Variants in ADGRL3 observed in about 807,000 individuals in gnomAD.
ADGRL3 encodes calcium-independent alpha-latrotoxin receptor 3.
In ADGRL3, 62 loss-of-function variants were observed where a neutral mutation model predicts 153.5. The ratio of observed to expected loss-of-function variants is 0.40; its 90% confidence interval spans 0.33 to 0.50. The LOEUF is 0.50. ADGRL3 is among the 20% of genes least tolerant of loss of function. ADGRL3 has a pLI of 0.47. For missense variants in ADGRL3, 1,641 were observed against 1,859.4 expected, an observed-to-expected ratio of 0.88 and a Z score of 2.16; for synonymous variants, 710 against 672.5, an observed-to-expected ratio of 1.06 and a Z score of -0.86.
intron 9 of ADGRL3, among the ~76,000 whole-genome samples, chr4:61,819,818 G>A (rs1018598533): frequency 1.3e-5 from 2 of 151,992 alleles, no homozygotes; most frequent in African/African-American, 2.4e-5. Context: ...TTTTATAATA[G>A]TGATTGTGCT....
intron 4 of ADGRL3, among the ~76,000 whole-genome samples, chr4:61,554,064 A>T (rs10015095): frequency 0.2 from 29,998 of 151,122 alleles, 3,343 homozygotes; most frequent in Non-Finnish European, 0.25. Context: ...CTCAAAGTCA[A>T]AGCTACAGAT....
intron 4 of ADGRL3, among the ~76,000 whole-genome samples, chr4:61,555,072 C>T (rs2098759103): frequency 6.6e-6 from 1 of 151,996 alleles, no homozygotes; most frequent in African/African-American, 2.4e-5. Flanking sequence ...ACACCTTTAC[C>T]CATGTAAATT....
chr4:61,948,651 A>G (rs1488897622), intron 17 of ADGRL3, among the ~76,000 whole-genome samples: 2 of 152,154 alleles, frequency 1.3e-5, no homozygotes, highest in Admixed American at 1.3e-4. Flanking sequence ...AGAGCTATGC[A>G]TAGGTTAAAT....
intron 9 of ADGRL3, among the ~76,000 whole-genome samples, chr4:61,888,092 A>C (rs2149549144): frequency 6.6e-6 from 1 of 152,324 alleles, no homozygotes; most frequent in South Asian, 2.1e-4. Flanking sequence ...TTGGGAAGCA[A>C]GATTATGAGG....
In ADGRL3 at chr4:61,833,115, C is replaced by A. The variant is rs1028601460; in HGVS notation, c.1480+19226C>A. Among the ~76,000 whole-genome samples the A allele has an allele frequency of 2.0e-5, 3 of 152,022 alleles. 1 individual carries two copies. The highest frequency in any genetic ancestry group is 4.4e-5 in the Non-Finnish European group (3 of 68,000). On this transcript the variant is annotated intron_variant, in intron 9 of 26. Transcript: ENST00000683033. ...TGTATTTTTATCTTCAAATTTATTC[C>A]ATTTTTGCTGGTTGTGCCAAGACTG...
intron 8 of ADGRL3, among the ~76,000 whole-genome samples, chr4:61,790,530 GAAC>G (rs1313648169): frequency 1.3e-5 from 2 of 152,066 alleles, no homozygotes; most frequent in Non-Finnish European, 2.9e-5. Flanking sequence ...GAAACAATTA[GAAC>G]AATATACTGT....
chr4:61,917,827 A>C (rs2098751718), intron 13 of ADGRL3, among the ~76,000 whole-genome samples: 1 of 152,186 alleles, frequency 6.6e-6, no homozygotes, highest in Non-Finnish European at 1.5e-5. Context: ...AAATGGAAAT[A>C]TTCCTGTTGG....
intron 13 of ADGRL3, among the ~76,000 whole-genome samples, chr4:61,918,245 A>T (rs2149934573): frequency 6.6e-6 from 1 of 152,326 alleles, no homozygotes; most frequent in East Asian, 1.9e-4. Context: ...AGCAATTGGA[A>T]GGATGAAGTC....
intron 4 of ADGRL3, among the ~76,000 whole-genome samples, chr4:61,568,298 A>G (rs1403353858): frequency 6.6e-6 from 1 of 152,116 alleles, no homozygotes; most frequent in African/African-American, 2.4e-5. Context: ...AATTTCTAGA[A>G]GTCTATATAC....
Position 62,077,702 on chromosome 4 carries a change from T to G in ADGRL3, c.*6794T>G, listed in dbSNP as rs1430832398. On this transcript the variant is annotated 3_prime_UTR_variant, in exon 27 of 27. Transcript: ENST00000683033. ...CAAGTTGTCAAACTGGTTTACATAT[T>G]GAATGACATTTTGAATCAATAAAAA... 1.3e-5 allele frequency: 2 copies of G among 151,958 alleles called. No individual in the cohort carries two copies. Among genetic ancestry groups the G allele is most frequent in the Non-Finnish European group, 2.9e-5 (2 of 67,872 alleles). The allele number at this position is 151,958 out of a possible 1,614,324, so 9.4% of individuals were successfully genotyped here.
chr4:61,722,038 G>A (rs971268670), intron 6 of ADGRL3, among the ~76,000 whole-genome samples: 3 of 152,070 alleles, frequency 2.0e-5, no homozygotes, highest in African/African-American at 7.2e-5. Context: ...CATTTAATTT[G>A]AGCCGATATT....
chr4:61,437,082 AAGT>A (rs2097456820), intron 2 of ADGRL3, among the ~76,000 whole-genome samples: 2 of 152,186 alleles, frequency 1.3e-5, no homozygotes, highest in Non-Finnish European at 2.9e-5. Context: ...AGGAACCTAA[AAGT>A]AGGAAAACGG....
intron 1 of ADGRL3, among the ~76,000 whole-genome samples, chr4:61,336,172 C>T (rs1182718558): frequency 6.6e-6 from 1 of 152,054 alleles, no homozygotes; most frequent in Non-Finnish European, 1.5e-5. Flanking sequence ...AAATTATATT[C>T]AGATCAGTGG....
intron 9 of ADGRL3, among the ~76,000 whole-genome samples, chr4:61,869,925 C>A (rs1172471278): frequency 9.2e-5 from 2 of 21,694 alleles, no homozygotes; most frequent in African/African-American, 1.5e-4. Context: ...GCAACAAGAG[C>A]AAAACTTTGT....
At chr4:61,501,573 C>T (rs1445451614) in intron 3 of ADGRL3, among the ~76,000 whole-genome samples, 1 of 152,106 alleles carries the variant, frequency 6.6e-6, no homozygotes, top group Non-Finnish European at 1.5e-5. Context: ...AGCATCTAAA[C>T]AAAATTATTG....
chr4:61,301,952 G>T (rs2094591803), intron 1 of ADGRL3, among the ~76,000 whole-genome samples: 1 of 152,112 alleles, frequency 6.6e-6, no homozygotes, highest in Non-Finnish European at 1.5e-5. Context: ...GGTTGGCAAA[G>T]GCAAGAAATA....
At chr4:61,777,748 T>A (rs1467846018) in intron 8 of ADGRL3, among the ~76,000 whole-genome samples, 1 of 152,144 alleles carries the variant, frequency 6.6e-6, no homozygotes, top group African/African-American at 2.4e-5. Flanking sequence ...CTTACTCTAT[T>A]TCTAGTATTT....
intron 1 of ADGRL3, among the ~76,000 whole-genome samples, chr4:61,332,290 A>G (rs1338227045): frequency 6.6e-6 from 1 of 152,174 alleles, no homozygotes; most frequent in Non-Finnish European, 1.5e-5. Flanking sequence ...ACTCAGAAGT[A>G]TAAGAAATCA....
intron 1 of ADGRL3, among the ~76,000 whole-genome samples, chr4:61,344,624 A>T (rs1201022446): frequency 2.0e-5 from 3 of 151,642 alleles, no homozygotes; most frequent in African/African-American, 4.9e-5. Flanking sequence ...ACAGTGTGAG[A>T]TTGGTGAGAA....
Sources: allele counts gnomAD v4.1 joint callset (sites outside exome capture counted in the v4.1 genomes callset), GRCh38; gene constraint gnomAD v4.1.1; transcripts MANE v1.5; gene names NCBI Gene and HGNC (gene_info 2026-07-23, HGNC 2026-07-21).